The following DDX60L variants were observed in gnomAD, a reference collection of about 807,000 sequenced individuals.
DDX60L encodes probable ATP-dependent RNA helicase DDX60-like.
DDX60L carries 191 observed loss-of-function variants against 211.6 expected under a neutral mutation model. That is an observed-to-expected ratio of 0.90 (90% CI 0.80 to 1.02). The LOEUF (loss-of-function observed/expected upper bound fraction) is 1.02. Ranked by LOEUF, DDX60L falls within the 50% of genes least tolerant of loss-of-function variation. The pLI, the probability that DDX60L is intolerant of heterozygous loss-of-function variation, is 0.00. For missense variants in DDX60L, 2,007 were observed against 1,984.1 expected (o/e 1.01, Z -0.22); for synonymous variants, 706 against 694.1 (o/e 1.02, Z -0.27).
chr4:168,431,275 G>A (rs568519332), intron 12 of DDX60L, among the ~76,000 whole-genome samples: 5 of 152,036 alleles, frequency 3.3e-5, no homozygotes, highest in African/African-American at 1.2e-4. Context: ...TGAGACCTAG[G>A]AACACTCTTT....
intron 8 of DDX60L, among the ~76,000 whole-genome samples, chr4:168,449,649 ATG>A (rs1561098510): frequency 6.1e-4 from 15 of 24,500 alleles, no homozygotes; most frequent in Admixed American, 1.4e-3. Flanking sequence ...AAAAAAAAAA[ATG>A]CAAAAAAAAA....
chr4:168,377,226 A>C (rs2149664592), intron 33 of DDX60L, among the ~76,000 whole-genome samples: 1 of 152,174 alleles, frequency 6.6e-6, no homozygotes, highest in South Asian at 2.1e-4. Flanking sequence ...TGGGAGGTGG[A>C]AGTTGCAGTG....
At chr4:168,395,910 A>T in intron 27 of DDX60L, 49 bp downstream of exon 27, 1 of 1,273,380 alleles carries the variant, frequency 7.9e-7, no homozygotes, top group Non-Finnish European at 1.1e-6. Flanking sequence ...GATCACTATG[A>T]TAAAATGTCA....
At chr4:168,449,652 C>CAAAAAAAAAAAA in intron 8 of DDX60L, among the ~76,000 whole-genome samples, 59 of 7,916 alleles carry the variant, frequency 7.5e-3, no homozygotes, top group East Asian at 0.01. Flanking sequence ...AAAAAAAATG[C>CAAAAAAAAAAAA]AAAAAAAAAA....
At chr4:168,479,084 G>C (rs1325827429) in intron 1 of DDX60L, among the ~76,000 whole-genome samples, 1 of 151,828 alleles carries the variant, frequency 6.6e-6, no homozygotes, top group African/African-American at 2.4e-5. Flanking sequence ...ATAGACAGAT[G>C]ATGGATCGAT....
At position 168,420,363 on chromosome 4, in the gene DDX60L, C is replaced by A; in HGVS notation, c.2412G>T (p.Val804=). The A allele has an allele frequency of 3.7e-6, 6 of 1,610,396 alleles. No individual in the cohort carries two copies. Among genetic ancestry groups the A allele is most frequent in the Non-Finnish European group, 5.1e-6 (6 of 1,179,046 alleles). Residue 804 remains valine (V), a synonymous_variant, in exon 18 of 38, where the codon GTG becomes GTT. Transcript: ENST00000682922. ...TAAAACGATTCTCAACAGTTGCAGC[C>A]ACTTGACCAACAAGGGACTGATTGA... is the stretch of plus-strand genomic sequence containing the variant. ...VAPAKSLVGQ[V]AATVENRFTK... is the part of the protein sequence containing the mutation.
At chr4:168,478,683 T>G (rs1759951723) in intron 1 of DDX60L, among the ~76,000 whole-genome samples, 3 of 152,164 alleles carry the variant, frequency 2.0e-5, no homozygotes, top group African/African-American at 7.2e-5. Flanking sequence ...TGAGAAGAAT[T>G]TTTAAAAATA....
intron 16 of DDX60L, among the ~76,000 whole-genome samples, chr4:168,422,219 T>C (rs1252441367): frequency 6.6e-6 from 1 of 152,196 alleles, no homozygotes; most frequent in East Asian, 1.9e-4. Flanking sequence ...CTTTTTCCAA[T>C]TGTCATTGAG....
At chr4:168,428,075 G>A (rs1751746288) in intron 13 of DDX60L, among the ~76,000 whole-genome samples, 1 of 152,234 alleles carries the variant, frequency 6.6e-6, no homozygotes. Flanking sequence ...TCAGCTGGGT[G>A]AGGCCCTTGC....
chr4:168,406,560 T>TA, intron 23 of DDX60L, 42 bp downstream of exon 23: 1 of 1,433,758 alleles, frequency 7.0e-7, no homozygotes, highest in South Asian at 1.2e-5. Context: ...GGAATAGCAT[T>TA]AACTAAAGTT....
At chr4:168,422,434 A>G in intron 16 of DDX60L, 90 bp downstream of exon 16, 1 of 1,274,088 alleles carries the variant, frequency 7.8e-7, no homozygotes, top group South Asian at 1.6e-5. Context: ...AAGATTAAGA[A>G]GTTTATGCAA....
rs1747304917 is a variant in DDX60L, at chr4:168,404,002, C to A, written c.3318G>T (p.Lys1106Asn). 6.8e-7 allele frequency: 1 copy of A among 1,474,350 alleles called. No individual in the cohort carries two copies. The highest frequency in any genetic ancestry group is 9.1e-7 in the Non-Finnish European group (1 of 1,097,632). The allele number at this position is 1,474,350 out of a possible 1,614,324, so 91.3% of individuals were successfully genotyped here. A position where few individuals can be genotyped will look rare whatever the true frequency, so the allele number is the denominator to read the frequency against. The change falls in exon 25 of 38, where the codon AAG becomes AAT. Residue 1106 changes from lysine to asparagine, a missense_variant. Lys to Asn is a moderately conservative substitution (Grantham distance 94). Coordinates refer to ENST00000682922, the MANE Select transcript of DDX60L (RefSeq NM_001012967.3). Reference sequence around the variant, plus strand: ...CTTACAAAAAAAATATTGCAGGCAACTTATCCATTTGTCTTAACTTTTCAA... The same window carrying A: ...CTTACAAAAAAAATATTGCAGGCAAATTATCCATTTGTCTTAACTTTTCAA... ...LLVEKLRQMDKLPAIFFLFKN... is the reference protein window; with the variant it reads ...LLVEKLRQMDNLPAIFFLFKN...
chr4:168,391,495 C>A, intron 29 of DDX60L, 45 bp downstream of exon 29: 1 of 1,281,632 alleles, frequency 7.8e-7, no homozygotes, highest in South Asian at 1.3e-5. Flanking sequence ...TTCATTATTT[C>A]AAACTCAGCT....
intron 36 of DDX60L, among the ~76,000 whole-genome samples, chr4:168,367,751 C>G (rs1740242864): frequency 6.6e-6 from 1 of 152,178 alleles, no homozygotes; most frequent in Admixed American, 6.5e-5. Flanking sequence ...AAAGTCCAGT[C>G]TAAGGTGGTC....
At chr4:168,471,998 G>A in intron 3 of DDX60L, 62 bp from the exon 4 acceptor site, 2 of 1,342,484 alleles carry the variant, frequency 1.5e-6, no homozygotes, top group Middle Eastern at 1.9e-4. Context: ...TGTTGCTGTT[G>A]TTGTTACTAT....
intron 28 of DDX60L, among the ~76,000 whole-genome samples, chr4:168,392,789 G>A (rs971034274): frequency 2.7e-5 from 4 of 148,570 alleles, no homozygotes; most frequent in Admixed American, 6.7e-5. Context: ...GCAGCGAGCC[G>A]AGATTAAACC....
chr4:168,376,708 C>T (rs115812652), intron 33 of DDX60L, among the ~76,000 whole-genome samples: 520 of 152,296 alleles, frequency 3.4e-3, no homozygotes, highest in African/African-American at 0.011. Context: ...TGCTGGACAC[C>T]GTTCTAGGGC....
chr4:168,427,208 T>C lies in DDX60L; in HGVS notation c.1792A>G (p.Lys598Glu). The change falls in exon 14 of 38, where the codon AAG (lysine) becomes GAG (glutamate). Residue 598 changes from lysine to glutamate, a missense_variant. Lys to Glu is a moderately conservative substitution (Grantham distance 56). Coordinates refer to ENST00000682922, the MANE Select transcript of DDX60L (RefSeq NM_001012967.3). Reference sequence around the variant, plus strand: ...CTTATTCCAGAATGTAAATTGTTCTTCATCTCCTCTTCAATAGAAAACAGC... The same window carrying C: ...CTTATTCCAGAATGTAAATTGTTCTCCATCTCCTCTTCAATAGAAAACAGC... Reference protein sequence around the residue: ...DLLFSIEEEMKNNLHSGIRKL... With the variant: ...DLLFSIEEEMENNLHSGIRKL... 1 of 1,613,610 alleles carries C rather than the reference T, an allele frequency of 6.2e-7. No individual in the cohort carries two copies. The highest frequency in any genetic ancestry group is 8.5e-7 in the Non-Finnish European group (1 of 1,179,658).
chr4:168,423,528 A>G (rs1290568050), intron 15 of DDX60L, 80 bp downstream of exon 15: 2 of 999,802 alleles, frequency 2.0e-6, no homozygotes, highest in East Asian at 2.8e-5. Flanking sequence ...TATGTGAGAT[A>G]CTTCATTAGA....
Sources: allele counts gnomAD v4.1 joint callset (sites outside exome capture counted in the v4.1 genomes callset), GRCh38; gene constraint gnomAD v4.1.1; transcripts MANE v1.5; gene names NCBI Gene and HGNC (gene_info 2026-07-23, HGNC 2026-07-21).